GBA2: variants seen among roughly 807,000 people sequenced by gnomAD.
The protein encoded by GBA2 is glucosylceramidase beta 2, also known as non-lysosomal glucosylceramidase.
Under a neutral mutation model 112.9 loss-of-function variants are expected in GBA2, and 79 were observed. The observed-to-expected ratio is 0.70, with a 90% CI of 0.58 to 0.84. The LOEUF (loss-of-function observed/expected upper bound fraction) is 0.84, where lower values mean the gene tolerates loss of function less well. Among genes scored for constraint, GBA2 ranks in the 40% least tolerant of loss-of-function variants. The pLI is 0.00. For missense variants in GBA2, 1,043 were observed against 1,190.0 expected, an observed-to-expected ratio of 0.88 and a Z score of 1.82; for synonymous variants, 403 against 434.3, an observed-to-expected ratio of 0.93 and a Z score of 0.90.
In GBA2 at chr9:35,744,343, TGC is replaced by T; in HGVS notation, c.519_520del (p.Trp173Ter). 6.2e-7 allele frequency: 1 copy of T among 1,613,542 alleles called. No individual in the cohort carries two copies. Among genetic ancestry groups the T allele is most frequent in the Non-Finnish European group, 8.5e-7 (1 of 1,179,472 alleles). On this transcript the variant is annotated stop_gained and frameshift_variant, in exon 3 of 17. Coordinates refer to ENST00000378103, the MANE Select transcript of GBA2 (RefSeq NM_020944.3). LOFTEE classifies it high-confidence loss of function. ...GTGCTGATACATTCCAGGGTTAAGCTGCCAACGACAGAACTGGCCTCTCCAGC... is the reference window on the plus strand; with the variant it reads ...GTGCTGATACATTCCAGGGTTAAGCTCAACGACAGAACTGGCCTCTCCAGC...
rs1432768503 is a variant in GBA2, at chr9:35,738,171, A to C, written c.2198-19T>G. 6.2e-7 allele frequency: 1 copy of C among 1,613,548 alleles called. No homozygotes were observed. The highest frequency in any genetic ancestry group is 2.2e-5 in the East Asian group (1 of 44,888). ...TAGCGGCCTGGAGTCGAGGAAGAGA[A>C]AAATAAGGCTCCTGGTGTCCTCTCA... On this transcript the variant is annotated intron_variant, in intron 14 of 16. Transcript: ENST00000378103.
Position 35,740,189 on chromosome 9 carries a change from C to T in GBA2, c.1283+20G>A, listed in dbSNP as rs375108315. On this transcript the variant is annotated intron_variant, in intron 7 of 16. Transcript: ENST00000378103. The surrounding 1 kb of genome is among the most constrained non-coding windows in gnomAD (Gnocchi z 4.7). Reference sequence around the variant, plus strand: ...AGAGCCCCAGCACTCTGGATCCTTACACTTTCTTGGTCCCCTCACCTGTAG... The same window carrying T: ...AGAGCCCCAGCACTCTGGATCCTTATACTTTCTTGGTCCCCTCACCTGTAG... 2.5e-6 allele frequency: 4 copies of T among 1,613,982 alleles called. No homozygotes were observed. The highest frequency in any genetic ancestry group is 2.2e-5 in the South Asian group (2 of 91,076).
At chr9:35,745,208 C>T (rs1007978528) in intron 1 of GBA2, among the ~76,000 whole-genome samples, 2 of 151,910 alleles carry the variant, frequency 1.3e-5, no homozygotes, top group South Asian at 2.1e-4. Flanking sequence ...CTGCAAACTC[C>T]GCCTCCCAAG....
chr9:35,737,402 T>G lies in GBA2; in HGVS notation c.2551A>C (p.Thr851Pro). ...GFQTAEGCYR[T>P]VWERLGLAFQ... is the part of the protein sequence containing the mutation. ...GCCAGACCCAGGCGCTCCCACACGG[T>G]ACGGTAGCAGCCTTCAGCTGTCTGG... Residue 851 changes from threonine to proline, a missense_variant, in exon 17 of 17, where the codon ACC (threonine) becomes CCC (proline). Thr to Pro is a conservative substitution (Grantham distance 38). Transcript: ENST00000378103. The surrounding 1 kb of genome is among the most constrained non-coding windows in gnomAD (Gnocchi z 4.1). 6.2e-7 allele frequency: 1 copy of G among 1,614,092 alleles called. No individual in the cohort carries two copies. The highest frequency in any genetic ancestry group is 8.5e-7 in the Non-Finnish European group (1 of 1,179,978).
rs527889820 is a variant in GBA2, at chr9:35,737,370, C to T, written c.2583G>A (p.Gln861=). 6.2e-7 allele frequency: 1 copy of T among 1,614,186 alleles called. No individual in the cohort carries two copies. The highest frequency in any genetic ancestry group is 1.1e-5 in the South Asian group (1 of 91,084). ...TVWERLGLAF[Q]TPEAYCQQRV... Reference sequence around the variant, plus strand: ...GCTGCTGGCAGTATGCCTCTGGGGTCTGGAAGGCCAGACCCAGGCGCTCCC... The same window carrying T: ...GCTGCTGGCAGTATGCCTCTGGGGTTTGGAAGGCCAGACCCAGGCGCTCCC... The change falls in exon 17 of 17, where the codon CAG becomes CAA. Residue 861 remains glutamine (Q), a synonymous_variant. Coordinates refer to ENST00000378103, the MANE Select transcript of GBA2 (RefSeq NM_020944.3). The surrounding 1 kb of genome is among the most constrained non-coding windows in gnomAD (Gnocchi z 4.1).
At position 35,740,062 on chromosome 9, in the gene GBA2, G is replaced by T. The variant is rs1284925339; in HGVS notation, c.1345C>A (p.Leu449Met). 4.3e-6 allele frequency: 7 copies of T among 1,613,996 alleles called. No homozygotes were observed. Among genetic ancestry groups the T allele is most frequent in the African/African-American group, 2.7e-5 (2 of 74,910 alleles). ...TCTTCCCACTCTGCGTATCGGCACA[G>T]TGCATAGTGGCTGAGGGCAGGTGCT... The part of the protein sequence containing the change: ...DAAPALSHYA[L>M]CRYAEWEERI... The change falls in exon 8 of 17, where the codon CTG (leucine) becomes ATG (methionine). Residue 449 changes from leucine (L) to methionine (M), a missense_variant. Coordinates refer to ENST00000378103, the MANE Select transcript of GBA2 (RefSeq NM_020944.3). This position sits in a 1 kb window ranked among gnomAD's most constrained non-coding sequence, Gnocchi z 4.7.
rs1216075433 is a variant in GBA2 at position 35,740,536 on chromosome 9, G to A, written c.1119C>T (p.Asp373=). 1.2e-6 allele frequency: 2 copies of A among 1,610,174 alleles called. No homozygotes were observed. The highest frequency in any genetic ancestry group is 1.7e-6 in the Non-Finnish European group (2 of 1,176,584). Residue 373 remains aspartate (D), a synonymous_variant, in exon 6 of 17, where the codon GAC becomes GAT. Coordinates refer to ENST00000378103, the MANE Select transcript of GBA2 (RefSeq NM_020944.3). This position sits in a 1 kb window ranked among gnomAD's most constrained non-coding sequence, Gnocchi z 4.7. The part of the protein sequence containing the change: ...WQDLLQDGQL[D]SPTGQSTPTQ... ...CAGACCCCCCATCACCAGTGGGAGAGTCCAGCTGTCCATCCTGAAGTAGAT... is the reference window on the plus strand; with the variant it reads ...CAGACCCCCCATCACCAGTGGGAGAATCCAGCTGTCCATCCTGAAGTAGAT...
At position 35,740,733 on chromosome 9, in the gene GBA2, C is replaced by CT; in HGVS notation, c.1026+91dup. ...ACTCTTAACCTCCCAGGCCCAGGGG[C>CT]TTACAGGAGTATGATGAGGGTGGAT... is the stretch of plus-strand genomic sequence containing the variant. On this transcript the variant is annotated intron_variant, in intron 5 of 16. Coordinates refer to ENST00000378103, the MANE Select transcript of GBA2 (RefSeq NM_020944.3). The surrounding 1 kb of genome is among the most constrained non-coding windows in gnomAD (Gnocchi z 4.7). 1 of 1,557,014 alleles carries CT rather than the reference C, an allele frequency of 6.4e-7. No individual in the cohort carries two copies. Among genetic ancestry groups the CT allele is most frequent in the Admixed American group, 1.7e-5 (1 of 59,036 alleles).
At position 35,740,179 on chromosome 9, in the gene GBA2, T is replaced by C. The variant is rs1202836611; in HGVS notation, c.1283+30A>G. The C allele has an allele frequency of 1.2e-6, 2 of 1,613,884 alleles. No individual in the cohort carries two copies. The highest frequency in any genetic ancestry group is 2.7e-5 in the African/African-American group (2 of 74,914). ...GCCCCAGGTCAGAGCCCCAGCACTCTGGATCCTTACACTTTCTTGGTCCCC... is the reference window on the plus strand; with the variant it reads ...GCCCCAGGTCAGAGCCCCAGCACTCCGGATCCTTACACTTTCTTGGTCCCC... On this transcript the variant is annotated intron_variant, in intron 7 of 16. Coordinates refer to ENST00000378103, the MANE Select transcript of GBA2 (RefSeq NM_020944.3). This position sits in a 1 kb window ranked among gnomAD's most constrained non-coding sequence, Gnocchi z 4.7.
Position 35,740,323 on chromosome 9 carries a change from C to T in GBA2, c.1169G>A (p.Gly390Glu). ...TPTQKGVGIA[G>E]AVCVSSKLRP... ...CAACTTGCTGGAAACACACACAGCT[C>T]CAGCAATGCCTACTCCTTTCTGCGT... Residue 390 changes from glycine (G) to glutamate (E), a missense_variant, in exon 7 of 17, where the codon GGA becomes GAA. By Grantham distance (98) the Gly-to-Glu change is moderately conservative (BLOSUM62 -2). Coordinates refer to ENST00000378103, the MANE Select transcript of GBA2 (RefSeq NM_020944.3). The surrounding 1 kb of genome is among the most constrained non-coding windows in gnomAD (Gnocchi z 4.7). The T allele has an allele frequency of 6.2e-7, 1 of 1,613,898 alleles. No individual in the cohort carries two copies.
intron 2 of GBA2, 37 bp downstream of exon 2, chr9:35,744,578 C>T (rs779107327): frequency 2.3e-6 from 3 of 1,305,082 alleles, no homozygotes; most frequent in South Asian, 2.4e-5. Flanking sequence ...GGAGGCTAGG[C>T]CTTCTCTGAG....
intron 3 of GBA2, among the ~76,000 whole-genome samples, chr9:35,742,525 T>A (rs972267274): frequency 3.3e-5 from 5 of 152,214 alleles, no homozygotes; most frequent in African/African-American, 1.2e-4. Context: ...CCCCTTCTAT[T>A]CTAGCATTTG....
chr9:35,740,951 A>G lies in GBA2; in HGVS notation c.900T>C (p.Asp300=). The G allele has an allele frequency of 6.2e-7, 1 of 1,614,180 alleles. No homozygotes were observed. Among genetic ancestry groups the G allele is most frequent in the Non-Finnish European group, 8.5e-7 (1 of 1,180,008 alleles). ...SMRNGLGGGD[D]APGGLWNEPF... ...GCTCATTCCACAAACCCCCTGGGGC[A>G]TCGTCTCCACCACCCAGTCCATTCC... is the stretch of plus-strand genomic sequence containing the variant. The change falls in exon 5 of 17, where the codon GAT becomes GAC. Residue 300 remains aspartate, a synonymous_variant. Coordinates refer to ENST00000378103, the MANE Select transcript of GBA2 (RefSeq NM_020944.3). The surrounding 1 kb of genome is among the most constrained non-coding windows in gnomAD (Gnocchi z 4.7).
At position 35,740,395 on chromosome 9, in the gene GBA2, G is replaced by A. The variant is rs1011002820; in HGVS notation, c.1130-33C>T. On this transcript the variant is annotated intron_variant, in intron 6 of 16. Coordinates refer to ENST00000378103, the MANE Select transcript of GBA2 (RefSeq NM_020944.3). This position sits in a 1 kb window ranked among gnomAD's most constrained non-coding sequence, Gnocchi z 4.7. ...AAACACAAGAGAATTCAGGACAGGAGCCCCTTCAGCCCCAGGGATAGGGAT... is the reference window on the plus strand; with the variant it reads ...AAACACAAGAGAATTCAGGACAGGAACCCCTTCAGCCCCAGGGATAGGGAT... 2 of 1,607,508 alleles carry A rather than the reference G, an allele frequency of 1.2e-6. No homozygotes were observed. Among genetic ancestry groups the A allele is most frequent in the Non-Finnish European group, 1.7e-6 (2 of 1,177,100 alleles).
At position 35,738,334 on chromosome 9, in the gene GBA2, T is replaced by C; in HGVS notation, c.2095A>G (p.Met699Val). The C allele has an allele frequency of 1.2e-6, 2 of 1,614,112 alleles. No individual in the cohort carries two copies. The highest frequency in any genetic ancestry group is 1.7e-6 in the Non-Finnish European group (2 of 1,179,996). Residue 699 changes from methionine (M) to valine (V), a missense_variant, in exon 14 of 17, where the codon ATG becomes GTG. Physicochemically the swap from Met to Val is conservative, Grantham distance 21 (BLOSUM62 1). Transcript: ENST00000378103. ...CCACACAGAGCAGCCATCTGGACCA[T>C]CACAGCCACAGCTGCCAGCCACAGC... Reference protein sequence around the residue: ...GGLWLAAVAVMVQMAALCGAQ... With the variant: ...GGLWLAAVAVVVQMAALCGAQ...
chr9:35,744,922 C>T (rs1254120920), intron 1 of GBA2, among the ~76,000 whole-genome samples: 1 of 152,110 alleles, frequency 6.6e-6, no homozygotes, highest in Non-Finnish European at 1.5e-5. Context: ...CTCCTTTGTT[C>T]TCCTCAGAAG....
chr9:35,748,370 A>G lies in GBA2; in HGVS notation c.335T>C (p.Ile112Thr). ...QANNVSLSNM[I>T]KHIGMGLRYL... ...CCTCAAGCCCATGCCTATATGCTTT[A>G]TCATGTTGCTTAGGGAGACGTTGTT... Residue 112 changes from isoleucine (I) to threonine (T), a missense_variant, in exon 1 of 17, where the codon ATA becomes ACA. Ile to Thr is a moderately conservative substitution (Grantham distance 89, BLOSUM62 -1). Coordinates refer to ENST00000378103, the MANE Select transcript of GBA2 (RefSeq NM_020944.3). 1 of 1,612,450 alleles carries G rather than the reference A, an allele frequency of 6.2e-7. No individual in the cohort carries two copies. The highest frequency in any genetic ancestry group is 8.5e-7 in the Non-Finnish European group (1 of 1,178,606).
At chr9:35,742,670 G>A (rs1382783268) in intron 3 of GBA2, among the ~76,000 whole-genome samples, 1 of 152,178 alleles carries the variant, frequency 6.6e-6, no homozygotes, top group Non-Finnish European at 1.5e-5. Flanking sequence ...GAGGGAATGA[G>A]CGAAATCTGC....
rs775751644 is a variant in GBA2 at position 35,748,413 on chromosome 9, TC to T, written c.291del (p.Arg98GlyfsTer11). On this transcript the variant is annotated frameshift_variant, in exon 1 of 17. Transcript: ENST00000378103. LOFTEE classifies it high-confidence loss of function. ...RICLAHEFTE[K>X]RKPFQANNVS... is the part of the protein sequence containing the mutation. ...ACGTTGTTAGCTTGAAAGGGTTTCC[TC>T]TTCTCTGTAAACTCATGAGCCAGAC... is the stretch of plus-strand genomic sequence containing the variant. 4.3e-6 allele frequency: 7 copies of T among 1,614,194 alleles called. No individual in the cohort carries two copies. Among genetic ancestry groups the T allele is most frequent in the African/African-American group, 1.3e-5 (1 of 75,048 alleles).
Sources: gnomAD v4.1 joint callset for allele counts (sites outside exome capture counted in the v4.1 genomes callset) on GRCh38, gnomAD v4.1.1 for gene constraint, Gnocchi (gnomAD v3.1) non-coding constraint, MANE v1.5 for transcripts, NCBI Gene and HGNC (gene_info 2026-07-23, HGNC 2026-07-21) for gene names.